Variants in DAB1 observed in about 807,000 individuals in gnomAD.
DAB1 encodes the protein disabled homolog 1.
Under a neutral mutation model 64.6 loss-of-function variants are expected in DAB1, and 15 were observed. That is an observed-to-expected ratio of 0.23 (90% CI 0.16 to 0.36). DAB1 has a LOEUF of 0.36. DAB1 is among the 10% of genes least tolerant of loss of function. The probability of loss-of-function intolerance (pLI) is 1.00; values close to 1 mark genes in which losing one functional copy is unlikely to be tolerated. For missense variants in DAB1, 596 were observed against 706.7 expected (o/e 0.84, Z 1.78); for synonymous variants, 235 against 251.9 (o/e 0.93, Z 0.64).
intron 3 of DAB1, among the ~76,000 whole-genome samples, chr1:58,383,689 C>A (rs1189187408): frequency 6.6e-6 from 1 of 152,102 alleles, no homozygotes. Flanking sequence ...ATTTTTTTAA[C>A]CTCAGCTCAA....
chr1:57,162,813 G>A (rs1293629389), intron 2 of DAB1, among the ~76,000 whole-genome samples: 5 of 152,136 alleles, frequency 3.3e-5, no homozygotes, highest in Non-Finnish European at 7.4e-5. Context: ...AGTACAAAGG[G>A]GTATTTGTGA....
In DAB1 at chr1:57,015,137, G is replaced by C; in HGVS notation, c.1190C>G (p.Thr397Ser). The C allele has an allele frequency of 6.2e-7, 1 of 1,614,152 alleles. No homozygotes were observed. Among genetic ancestry groups the C allele is most frequent in the Non-Finnish European group, 8.5e-7 (1 of 1,180,042 alleles). Residue 397 changes from threonine (T) to serine (S), a missense_variant, in exon 12 of 15, where the codon ACC becomes AGC. By Grantham distance (58) the Thr-to-Ser change is moderately conservative. Coordinates refer to ENST00000371236, the MANE Select transcript of DAB1 (RefSeq NM_001365792.1). ...LATVPGTSDS[T>S]RSSPQTDKPR... ...CTTGTCGGTCTGTGGACTTGACCTGGTGGAGTCACTCGTGCCTGGGACGGT... is the reference window on the plus strand; with the variant it reads ...CTTGTCGGTCTGTGGACTTGACCTGCTGGAGTCACTCGTGCCTGGGACGGT...
At chr1:57,641,948 C>T (rs1487695445) in intron 7 of DAB1, among the ~76,000 whole-genome samples, 5 of 152,108 alleles carry the variant, frequency 3.3e-5, no homozygotes, top group Admixed American at 6.5e-5. Flanking sequence ...GGGTTAGAGT[C>T]CTAGTTCAGC....
At chr1:57,423,106 T>G (rs920747396) in intron 1 of DAB1, among the ~76,000 whole-genome samples, 3 of 151,770 alleles carry the variant, frequency 2.0e-5, no homozygotes, top group African/African-American at 4.8e-5. Context: ...CACCCTCTTG[T>G]GTGCCTGCTT....
chr1:58,330,111 G>A (rs1243317814), intron 4 of DAB1, among the ~76,000 whole-genome samples: 3 of 152,194 alleles, frequency 2.0e-5, no homozygotes, highest in Non-Finnish European at 4.4e-5. Flanking sequence ...CAAAGGAAAA[G>A]TTCTTCAAGG....
At chr1:57,654,484 G>T (rs955999962) in intron 6 of DAB1, among the ~76,000 whole-genome samples, 3 of 152,116 alleles carry the variant, frequency 2.0e-5, no homozygotes, top group Non-Finnish European at 4.4e-5. Context: ...ATATGTGGTG[G>T]TATATAGGGG....
chr1:58,406,105 C>T (rs1223899257), intron 3 of DAB1, among the ~76,000 whole-genome samples: 1 of 152,168 alleles, frequency 6.6e-6, no homozygotes, highest in African/African-American at 2.4e-5. Flanking sequence ...TTTCCTTGTG[C>T]AAAATTGTGG....
chr1:58,545,495 T>C (rs911335754), intron 1 of DAB1, among the ~76,000 whole-genome samples: 4 of 121,688 alleles, frequency 3.3e-5, no homozygotes, highest in African/African-American at 1.1e-4. Context: ...ATCACTAGAC[T>C]ACAGAGCACA....
At chr1:58,491,171 A>G (rs1466948147) in intron 3 of DAB1, among the ~76,000 whole-genome samples, 2 of 152,108 alleles carry the variant, frequency 1.3e-5, no homozygotes, top group South Asian at 2.1e-4. Context: ...ACTAAGCTTC[A>G]TAAGTGAAGG....
At chr1:57,912,721 A>G (rs918852686) in intron 5 of DAB1, among the ~76,000 whole-genome samples, 2 of 152,210 alleles carry the variant, frequency 1.3e-5, no homozygotes, top group Non-Finnish European at 2.9e-5. Context: ...AATCTCCTTA[A>G]GCTGATAAGC....
intron 3 of DAB1, among the ~76,000 whole-genome samples, chr1:58,408,480 C>T (rs1025914442): frequency 6.6e-6 from 1 of 152,186 alleles, no homozygotes; most frequent in Non-Finnish European, 1.5e-5. Context: ...CACTGGAGAG[C>T]AAGGATTCTC....
At chr1:57,323,047 A>ATTTTTT (rs10671263) in intron 1 of DAB1, among the ~76,000 whole-genome samples, 176 of 151,676 alleles carry the variant, frequency 1.2e-3, no homozygotes, top group African/African-American at 3.8e-3. Context: ...GAGTTCTGAG[A>ATTTTTT]TTTTTTTTTG....
At chr1:57,389,756 G>C (rs1384249138) in intron 1 of DAB1, among the ~76,000 whole-genome samples, 1 of 152,094 alleles carries the variant, frequency 6.6e-6, no homozygotes, top group African/African-American at 2.4e-5. Context: ...TTCCCCAAAT[G>C]AAATGTATCT....
At chr1:58,188,676 G>C (rs1200795243) in intron 4 of DAB1, among the ~76,000 whole-genome samples, 1 of 152,178 alleles carries the variant, frequency 6.6e-6, no homozygotes, top group Non-Finnish European at 1.5e-5. Context: ...AAACAATCAA[G>C]CCATGATGTT....
chr1:58,451,129 A>C (rs1034815926), intron 3 of DAB1, among the ~76,000 whole-genome samples: 1 of 152,174 alleles, frequency 6.6e-6, no homozygotes, highest in African/African-American at 2.4e-5. Flanking sequence ...TTGCTCTGTC[A>C]CTCAGGGTGG....
intron 5 of DAB1, among the ~76,000 whole-genome samples, chr1:57,981,506 T>C (rs1364195888): frequency 2.0e-5 from 3 of 152,154 alleles, no homozygotes; most frequent in Admixed American, 2.0e-4. Context: ...AGTAATCCAA[T>C]AGAATAAAAA....
intron 7 of DAB1, among the ~76,000 whole-genome samples, chr1:57,507,014 C>T (rs1040188406): frequency 3.9e-5 from 6 of 152,180 alleles, no homozygotes; most frequent in African/African-American, 7.2e-5. Context: ...TCCCTCTCAT[C>T]TACAATCTGT....
At chr1:57,383,346 T>C (rs1681537222) in intron 1 of DAB1, among the ~76,000 whole-genome samples, 1 of 152,188 alleles carries the variant, frequency 6.6e-6, no homozygotes, top group Non-Finnish European at 1.5e-5. Flanking sequence ...GGTTGGGGTA[T>C]TTTGGCCCAC....
At chr1:58,415,549 A>G (rs1644711562) in intron 3 of DAB1, 1 of 180,948 alleles carries the variant, frequency 5.5e-6, no homozygotes, top group African/African-American at 2.4e-5. Context: ...AGCCAAAAAT[A>G]TGTATGCATT....
Sources: allele counts gnomAD v4.1 joint callset (sites outside exome capture counted in the v4.1 genomes callset), GRCh38; gene constraint gnomAD v4.1.1; transcripts MANE v1.5; gene names NCBI Gene and HGNC (gene_info 2026-07-23, HGNC 2026-07-21).